The following MAGI2 variants were observed in gnomAD, a reference collection of about 807,000 sequenced individuals.
MAGI2 encodes membrane associated guanylate kinase, WW and PDZ domain containing 2.
In MAGI2, 35 loss-of-function variants were observed where a neutral mutation model predicts 133.3. That is an observed-to-expected ratio of 0.26 (90% CI 0.20 to 0.35). The LOEUF (loss-of-function observed/expected upper bound fraction) is 0.35, where lower values mean the gene tolerates loss of function less well. Ranked by LOEUF, MAGI2 falls within the 10% of genes least tolerant of loss-of-function variation. The probability of loss-of-function intolerance (pLI) is 1.00; values close to 1 mark genes in which losing one functional copy is unlikely to be tolerated. For synonymous variants in MAGI2, 729 were observed against 710.6 expected, an observed-to-expected ratio of 1.03 and a Z score of -0.41; for missense variants, 1,636 against 1,863.4, an observed-to-expected ratio of 0.88 and a Z score of 2.25.
intron 2 of MAGI2, among the ~76,000 whole-genome samples, chr7:78,682,327 AC>A (rs1161595542): frequency 6.6e-6 from 1 of 151,856 alleles, no homozygotes; most frequent in African/African-American, 2.4e-5. Flanking sequence ...GCACCAATCG[AC>A]CCGTCATCTA....
At chr7:78,089,822 C>T (rs947227827) in intron 20 of MAGI2, among the ~76,000 whole-genome samples, 1 of 152,102 alleles carries the variant, frequency 6.6e-6, no homozygotes, top group Non-Finnish European at 1.5e-5. Context: ...CATATGGTTG[C>T]CATAATTATA....
At chr7:79,337,161 A>G (rs894991873) in intron 1 of MAGI2, among the ~76,000 whole-genome samples, 1 of 152,154 alleles carries the variant, frequency 6.6e-6, no homozygotes, top group Non-Finnish European at 1.5e-5. Context: ...ACAGAAGTCT[A>G]TTTTCCTCAG....
intron 2 of MAGI2, among the ~76,000 whole-genome samples, chr7:78,858,966 G>T (rs2151495721): frequency 6.6e-6 from 1 of 152,238 alleles, no homozygotes. Context: ...TCTTCTTGTT[G>T]AATTGATCCC....
intron 2 of MAGI2, among the ~76,000 whole-genome samples, chr7:78,661,370 C>T (rs914253771): frequency 7.9e-5 from 12 of 152,102 alleles, no homozygotes; most frequent in South Asian, 4.2e-4. Flanking sequence ...TTTTAACTGC[C>T]TATTAGATAG....
intron 2 of MAGI2, among the ~76,000 whole-genome samples, chr7:78,904,801 GGCCCC>G (rs1469446131): frequency 2.6e-5 from 4 of 152,030 alleles, no homozygotes; most frequent in Non-Finnish European, 5.9e-5. Flanking sequence ...CCCCTCCCCT[GGCCCC>G]CGGGCAATAA....
intron 20 of MAGI2, among the ~76,000 whole-genome samples, chr7:78,089,023 C>T (rs140105531): frequency 2.2e-3 from 340 of 152,206 alleles, no homozygotes; most frequent in Non-Finnish European, 3.8e-3. Flanking sequence ...GAAATATAAG[C>T]CAAGGAGTTT....
At chr7:78,647,728 G>A (rs1052305918) in intron 2 of MAGI2, among the ~76,000 whole-genome samples, 3 of 152,034 alleles carry the variant, frequency 2.0e-5, no homozygotes, top group Non-Finnish European at 4.4e-5. Flanking sequence ...TCATAATAGC[G>A]AAGACTTGGA....
At chr7:79,127,424 A>T (rs1219843122) in intron 1 of MAGI2, among the ~76,000 whole-genome samples, 1 of 152,064 alleles carries the variant, frequency 6.6e-6, no homozygotes, top group Non-Finnish European at 1.5e-5. Context: ...CAACAGTGTA[A>T]AAGTGTTCCT....
rs540066169 is a variant in MAGI2 at position 78,892,532 on chromosome 7, A to T, written c.418+114558T>A. Among the ~76,000 whole-genome samples the T allele has an allele frequency of 1.1e-3, 167 of 152,326 alleles. 1 individual carries two copies. Among genetic ancestry groups the T allele is most frequent in the Middle Eastern group, 6.8e-3 (2 of 294 alleles). ...GCATGGTACTGGTACCAAAACAGAG[A>T]TATAGATCAATGGAACAGAACAGAG... On this transcript the variant is annotated intron_variant, in intron 2 of 21. Coordinates refer to ENST00000354212, the MANE Select transcript of MAGI2 (RefSeq NM_012301.4).
At chr7:78,490,245 G>A (rs1175647131) in intron 5 of MAGI2, among the ~76,000 whole-genome samples, 2 of 152,184 alleles carry the variant, frequency 1.3e-5, no homozygotes, top group East Asian at 1.9e-4. Context: ...TTCATAAACA[G>A]TTGTTTTGTT....
chr7:79,141,418 C>G (rs1304523739), intron 1 of MAGI2, among the ~76,000 whole-genome samples: 1 of 152,122 alleles, frequency 6.6e-6, no homozygotes, highest in Non-Finnish European at 1.5e-5. Flanking sequence ...TGTCTAAATC[C>G]TCACCACCTC....
At chr7:78,756,292 T>C (rs961537176) in intron 2 of MAGI2, among the ~76,000 whole-genome samples, 9 of 152,350 alleles carry the variant, frequency 5.9e-5, no homozygotes, top group Admixed American at 1.3e-4. Flanking sequence ...CTGTAATTAC[T>C]GCAAAGACTG....
intron 2 of MAGI2, among the ~76,000 whole-genome samples, chr7:78,649,436 C>A (rs556356913): frequency 6.6e-6 from 1 of 151,666 alleles, no homozygotes; most frequent in African/African-American, 2.4e-5. Context: ...ACAATCATGG[C>A]GAAATTTCAA....
At chr7:78,871,395 A>T (rs1795020340) in intron 2 of MAGI2, among the ~76,000 whole-genome samples, 1 of 152,164 alleles carries the variant, frequency 6.6e-6, no homozygotes, top group Non-Finnish European at 1.5e-5. Flanking sequence ...TACAGTGTTC[A>T]CTGCTCAGGT....
intron 2 of MAGI2, among the ~76,000 whole-genome samples, chr7:78,646,122 T>C (rs931074059): frequency 6.6e-6 from 1 of 151,854 alleles, no homozygotes; most frequent in Non-Finnish European, 1.5e-5. Context: ...AAGAGGAAAA[T>C]AGGGTCAAGG....
At chr7:78,777,875 CAGAAGGACCGCTCT>C (rs1583849904) in intron 2 of MAGI2, among the ~76,000 whole-genome samples, 1 of 123,570 alleles carries the variant, frequency 8.1e-6, no homozygotes, top group East Asian at 2.4e-4. Context: ...TTGTTGCACA[CAGAAGGACCGCTCT>C]AGATGATTTC....
At chr7:79,071,818 T>C (rs1815010843) in intron 1 of MAGI2, among the ~76,000 whole-genome samples, 2 of 152,076 alleles carry the variant, frequency 1.3e-5, no homozygotes, top group Admixed American at 1.3e-4. Context: ...CCCCACCATG[T>C]TGGAGCCTCC....
chr7:79,252,170 A>G (rs1833339772), intron 1 of MAGI2, among the ~76,000 whole-genome samples: 1 of 147,436 alleles, frequency 6.8e-6, no homozygotes, highest in African/African-American at 2.5e-5. Flanking sequence ...AAAAAAAAAA[A>G]AAAAAAAAGA....
chr7:78,942,806 CTA>C (rs1801092498), intron 2 of MAGI2, among the ~76,000 whole-genome samples: 1 of 151,222 alleles, frequency 6.6e-6, no homozygotes, highest in Non-Finnish European at 1.5e-5. Flanking sequence ...GTTACATAGA[CTA>C]TAAGCTCATG....
Sources: gnomAD v4.1 joint callset for allele counts (sites outside exome capture counted in the v4.1 genomes callset) on GRCh38, gnomAD v4.1.1 for gene constraint, MANE v1.5 for transcripts, NCBI Gene and HGNC (gene_info 2026-07-23, HGNC 2026-07-21) for gene names.